SLIT2: variants seen among roughly 807,000 people sequenced by gnomAD.
The protein encoded by SLIT2 is slit homolog 2 protein.
Under a neutral mutation model 185.7 loss-of-function variants are expected in SLIT2, and 41 were observed. The observed-to-expected ratio is 0.22, with a 90% CI of 0.17 to 0.29. SLIT2 has a LOEUF of 0.29. Ranked by LOEUF, SLIT2 falls within the 10% of genes least tolerant of loss-of-function variation. SLIT2 has a pLI of 1.00. For missense variants in SLIT2, 1,571 were observed against 1,909.0 expected (o/e 0.82, Z 3.30); for synonymous variants, 693 against 680.2 (o/e 1.02, Z -0.29).
At chr4:20,607,104 G>C (rs1175827072) in intron 33 of SLIT2, among the ~76,000 whole-genome samples, 1 of 152,136 alleles carries the variant, frequency 6.6e-6, no homozygotes, top group East Asian at 1.9e-4. Context: ...TACTTGTAAA[G>C]TTCTTAGTAC....
At chr4:20,341,920 G>T (rs1005783059) in intron 4 of SLIT2, among the ~76,000 whole-genome samples, 1 of 151,954 alleles carries the variant, frequency 6.6e-6, no homozygotes, top group African/African-American at 2.4e-5. Context: ...TATAATTTTC[G>T]CATGAAATTG....
intron 5 of SLIT2, among the ~76,000 whole-genome samples, chr4:20,468,819 A>G (rs1030261678): frequency 6.6e-6 from 1 of 150,988 alleles, no homozygotes; most frequent in Non-Finnish European, 1.5e-5. Flanking sequence ...ATTAACTTAT[A>G]TTCAGAATTC....
chr4:20,584,506 CA>C (rs1486603567), intron 29 of SLIT2, among the ~76,000 whole-genome samples: 1 of 152,156 alleles, frequency 6.6e-6, no homozygotes, highest in Admixed American at 6.5e-5. Context: ...GGGTATAAAC[CA>C]GGACGGTTGT....
chr4:20,364,005 A>G (rs978732764), intron 4 of SLIT2, among the ~76,000 whole-genome samples: 1 of 152,092 alleles, frequency 6.6e-6, no homozygotes, highest in Non-Finnish European at 1.5e-5. Flanking sequence ...AGGAAAAGTT[A>G]TTTTCTTGTA....
chr4:20,523,818 A>G lies in SLIT2; in HGVS notation c.1189A>G (p.Asn397Asp), dbSNP rs1478248734. The G allele has an allele frequency of 6.2e-7, 1 of 1,614,004 alleles. No individual in the cohort carries two copies. The highest frequency in any genetic ancestry group is 8.5e-7 in the Non-Finnish European group (1 of 1,179,854). The change falls in exon 13 of 37, where the codon AAC becomes GAC. Residue 397 changes from asparagine to aspartate, a missense_variant. Transcript: ENST00000504154. ...GGTAGATGCTTTTCAGGATCTCCAC[A>G]ACTTGAACCTTCTCTCCCTATATGA... ...LRVDAFQDLH[N>D]LNLLSLYDNK...
intron 18 of SLIT2, among the ~76,000 whole-genome samples, chr4:20,537,067 C>G (rs1203522393): frequency 1.3e-5 from 2 of 152,172 alleles, no homozygotes; most frequent in African/African-American, 4.8e-5. Flanking sequence ...TCCGGAAGGA[C>G]CTGCCTGAGG....
intron 4 of SLIT2, among the ~76,000 whole-genome samples, chr4:20,409,126 A>T (rs1560398120): frequency 6.6e-6 from 1 of 152,136 alleles, no homozygotes; most frequent in Non-Finnish European, 1.5e-5. Flanking sequence ...GGTTGGTTAC[A>T]TAAATGCCAT....
chr4:20,573,058 A>G lies in SLIT2; in HGVS notation c.3088+4054A>G, dbSNP rs891662218. Among the ~76,000 whole-genome samples the G allele has an allele frequency of 2.6e-5, 4 of 151,972 alleles. No individual in the cohort carries two copies. The South Asian group carries it at 6.2e-4, about 24-fold the overall frequency. On this transcript the variant is annotated intron_variant, in intron 29 of 36. Coordinates refer to ENST00000504154, the MANE Select transcript of SLIT2 (RefSeq NM_004787.4). ...TGTGATGGCATTTACCTTTTGCCTC[A>G]TTTTCTCCATGTTTGTGCGTGTGGC... is the stretch of plus-strand genomic sequence containing the variant.
At chr4:20,380,374 G>A (rs1724398228) in intron 4 of SLIT2, among the ~76,000 whole-genome samples, 1 of 152,090 alleles carries the variant, frequency 6.6e-6, no homozygotes, top group Non-Finnish European at 1.5e-5. Context: ...ACAAATTGCA[G>A]TATCTTACAT....
intron 33 of SLIT2, among the ~76,000 whole-genome samples, chr4:20,600,203 C>T (rs1728299329): frequency 6.6e-6 from 1 of 151,776 alleles, no homozygotes; most frequent in Non-Finnish European, 1.5e-5. Context: ...CTCTCAGAAG[C>T]CATAGTAAAG....
At chr4:20,594,136 CAT>C (rs1470193700) in intron 30 of SLIT2, among the ~76,000 whole-genome samples, 9 of 147,858 alleles carry the variant, frequency 6.1e-5, no homozygotes, top group African/African-American at 2.2e-4. Flanking sequence ...CATATATATA[CAT>C]ATATACACAC....
At chr4:20,257,980 GT>G (rs753860276) in intron 3 of SLIT2, 41 bp downstream of exon 3, 4 of 953,886 alleles carry the variant, frequency 4.2e-6, no homozygotes, top group African/African-American at 3.4e-5. Context: ...ACATAACTGT[GT>G]TTTTTAAAAA....
chr4:20,389,544 T>A (rs1725248967), intron 4 of SLIT2, among the ~76,000 whole-genome samples: 1 of 150,532 alleles, frequency 6.6e-6, no homozygotes. Context: ...TTTTTTTTTT[T>A]AACCACCGAG....
At chr4:20,424,855 C>T (rs916526431) in intron 4 of SLIT2, among the ~76,000 whole-genome samples, 16 of 152,008 alleles carry the variant, frequency 1.1e-4, no homozygotes, top group Admixed American at 9.8e-4. Flanking sequence ...ACCTCAGTAC[C>T]GTGGTAACTC....
chr4:20,508,721 T>C (rs992057185), intron 9 of SLIT2, among the ~76,000 whole-genome samples: 1 of 152,138 alleles, frequency 6.6e-6, no homozygotes, highest in Non-Finnish European at 1.5e-5. Context: ...GTTCTTTTAA[T>C]CATATTTTTA....
At chr4:20,415,460 G>A (rs1408097471) in intron 4 of SLIT2, among the ~76,000 whole-genome samples, 1 of 151,354 alleles carries the variant, frequency 6.6e-6, no homozygotes, top group Non-Finnish European at 1.5e-5. Context: ...AGAATGCTGG[G>A]AGGTACAGCT....
chr4:20,398,747 T>A (rs911136901), intron 4 of SLIT2, among the ~76,000 whole-genome samples: 1 of 151,844 alleles, frequency 6.6e-6, no homozygotes, highest in Non-Finnish European at 1.5e-5. Flanking sequence ...CATTTGCTTA[T>A]GTGTGGATTA....
intron 4 of SLIT2, among the ~76,000 whole-genome samples, chr4:20,438,606 A>G (rs1405765048): frequency 1.3e-5 from 2 of 152,180 alleles, no homozygotes; most frequent in Non-Finnish European, 2.9e-5. Context: ...TCAGCCTTCA[A>G]GCAGCCTACT....
At chr4:20,572,942 A>T (rs1269954975) in intron 29 of SLIT2, among the ~76,000 whole-genome samples, 1 of 152,204 alleles carries the variant, frequency 6.6e-6, no homozygotes, top group African/African-American at 2.4e-5. Flanking sequence ...CGAATCTCTG[A>T]CGCCCATGCA....
Sources: allele counts gnomAD v4.1 joint callset (sites outside exome capture counted in the v4.1 genomes callset), GRCh38; gene constraint gnomAD v4.1.1; transcripts MANE v1.5; gene names NCBI Gene and HGNC (gene_info 2026-07-23, HGNC 2026-07-21).